The following GPC6 variants were observed in gnomAD, a reference collection of about 807,000 sequenced individuals.
GPC6 encodes glypican 6, also known as glypican-6.
In GPC6, 14 loss-of-function variants were observed where a neutral mutation model predicts 55.2. The observed-to-expected ratio is 0.25, with a 90% CI of 0.17 to 0.40. The LOEUF (loss-of-function observed/expected upper bound fraction) is 0.40, where lower values mean the gene tolerates loss of function less well. GPC6 is among the 10% of genes least tolerant of loss of function. The pLI is 1.00. For missense variants in GPC6, 641 were observed against 708.5 expected (o/e 0.90, Z 1.08); for synonymous variants, 278 against 259.6 (o/e 1.07, Z -0.68).
rs571409923 is a variant in GPC6, at chr13:94,089,816, G to C, written c.877+61922G>C. Among the ~76,000 whole-genome samples the C allele has an allele frequency of 2.9e-3, 443 of 152,118 alleles. 3 individuals carry two copies. Among genetic ancestry groups the C allele is most frequent in the Non-Finnish European group, 5.5e-3 (373 of 68,008 alleles). On this transcript the variant is annotated intron_variant, in intron 4 of 8. Coordinates refer to ENST00000377047, the MANE Select transcript of GPC6 (RefSeq NM_005708.5). The stretch of plus-strand genomic sequence containing the variant: ...ATGTCCCTGAATAACTGCAAGTATT[G>C]AGTTGGGGATTACAAATAAATTTTA...
At chr13:93,998,462 G>A (rs982873198) in intron 3 of GPC6, among the ~76,000 whole-genome samples, 3 of 152,094 alleles carry the variant, frequency 2.0e-5, no homozygotes, top group African/African-American at 7.2e-5. Context: ...AAAGCTTTAA[G>A]GTAAAGCTTA....
At chr13:94,186,548 T>C (rs1389408742) in intron 4 of GPC6, among the ~76,000 whole-genome samples, 1 of 152,188 alleles carries the variant, frequency 6.6e-6, no homozygotes, top group Non-Finnish European at 1.5e-5. Context: ...CCGCAACAGA[T>C]TCTTTGAAAC....
chr13:93,819,366 G>A (rs1055348474), intron 2 of GPC6, among the ~76,000 whole-genome samples: 3 of 152,078 alleles, frequency 2.0e-5, no homozygotes, highest in Non-Finnish European at 4.4e-5. Context: ...CTGGGTTTGT[G>A]AACAGGTTAA....
intron 4 of GPC6, among the ~76,000 whole-genome samples, chr13:94,082,778 C>T (rs377581119): frequency 2.0e-5 from 3 of 152,142 alleles, no homozygotes; most frequent in African/African-American, 7.2e-5. Context: ...CGTGAAACTT[C>T]CCCCAGATCC....
chr13:93,295,322 A>G (rs1878456706), intron 1 of GPC6, among the ~76,000 whole-genome samples: 1 of 150,746 alleles, frequency 6.6e-6, no homozygotes, highest in African/African-American at 2.4e-5. Context: ...AAGAGAAAAA[A>G]GAAAGAAAGA....
chr13:93,765,309 A>AGATAAGCTGTCTGGAAAGACAACTTC (rs1287047496), intron 2 of GPC6, among the ~76,000 whole-genome samples: 3 of 27,500 alleles, frequency 1.1e-4, no homozygotes, highest in South Asian at 7.7e-4. Context: ...AAGACAACTT[A>AGATAAGCTGTCTGGAAAGACAACTTC]TTTGGTTTAA....
intron 4 of GPC6, among the ~76,000 whole-genome samples, chr13:94,157,268 A>G (rs1310980113): frequency 6.6e-6 from 1 of 152,202 alleles, no homozygotes. Context: ...TAAAACTGTT[A>G]TTATAATCCC....
intron 1 of GPC6, among the ~76,000 whole-genome samples, chr13:93,490,157 A>C (rs1230834616): frequency 6.6e-6 from 1 of 151,420 alleles, no homozygotes; most frequent in Non-Finnish European, 1.5e-5. Flanking sequence ...TACCTAATTT[A>C]TTGAGAGTTT....
At chr13:93,685,649 G>A (rs1882021954) in intron 2 of GPC6, among the ~76,000 whole-genome samples, 1 of 151,926 alleles carries the variant, frequency 6.6e-6, no homozygotes, top group African/African-American at 2.4e-5. Context: ...TAATTGGTTG[G>A]ACTCTGGTGC....
intron 3 of GPC6, among the ~76,000 whole-genome samples, chr13:93,909,474 A>T (rs1002319390): frequency 5.3e-5 from 8 of 152,188 alleles, no homozygotes; most frequent in African/African-American, 1.9e-4. Flanking sequence ...ACTATCAAAA[A>T]AAAAGAAAAG....
At chr13:94,202,426 G>C (rs956263378) in intron 4 of GPC6, among the ~76,000 whole-genome samples, 1 of 152,132 alleles carries the variant, frequency 6.6e-6, no homozygotes, top group African/African-American at 2.4e-5. Context: ...AAAGGCAAAA[G>C]GCATGTCCTA....
chr13:93,585,032 A>G (rs567620928), intron 2 of GPC6, among the ~76,000 whole-genome samples: 3 of 152,168 alleles, frequency 2.0e-5, no homozygotes, highest in African/African-American at 7.2e-5. Context: ...TTAACAAGTC[A>G]TTTGATTAAA....
intron 7 of GPC6, among the ~76,000 whole-genome samples, chr13:94,396,315 G>C (rs575126698): frequency 1.4e-3 from 216 of 152,320 alleles, no homozygotes; most frequent in South Asian, 3.3e-3. Context: ...AACGCACCCA[G>C]ATGGGTGCAT....
intron 1 of GPC6, among the ~76,000 whole-genome samples, chr13:93,470,269 T>C (rs1203870433): frequency 2.7e-5 from 4 of 148,342 alleles, no homozygotes; most frequent in African/African-American, 9.8e-5. Flanking sequence ...GAATGTCATT[T>C]AATAGGTTAG....
At chr13:94,277,103 T>C (rs1892238232) in intron 4 of GPC6, among the ~76,000 whole-genome samples, 1 of 152,232 alleles carries the variant, frequency 6.6e-6, no homozygotes, top group African/African-American at 2.4e-5. Context: ...CATCTGTTGT[T>C]TCTTGACTTT....
At chr13:93,242,646 C>T (rs1876472906) in intron 1 of GPC6, among the ~76,000 whole-genome samples, 1 of 152,104 alleles carries the variant, frequency 6.6e-6, no homozygotes, top group African/African-American at 2.4e-5. Context: ...TGTAGTCTTC[C>T]CACTCAGCTG....
chr13:93,800,795 A>C (rs1413949427), intron 2 of GPC6, among the ~76,000 whole-genome samples: 4 of 152,248 alleles, frequency 2.6e-5, no homozygotes, highest in African/African-American at 9.6e-5. Flanking sequence ...CAGTGTGAAC[A>C]TCAACCTAGA....
intron 2 of GPC6, among the ~76,000 whole-genome samples, chr13:93,669,136 G>A (rs749259522): frequency 3.9e-5 from 6 of 152,124 alleles, no homozygotes; most frequent in Non-Finnish European, 8.8e-5. Context: ...TCATACAAGT[G>A]TATTTCTTGC....
At chr13:93,942,885 C>T (rs148189165) in intron 3 of GPC6, among the ~76,000 whole-genome samples, 31 of 152,240 alleles carry the variant, frequency 2.0e-4, no homozygotes, top group African/African-American at 7.5e-4. Flanking sequence ...TTCTGTTGCT[C>T]AGATTTTTCT....
Sources: allele counts gnomAD v4.1 joint callset (sites outside exome capture counted in the v4.1 genomes callset), GRCh38; gene constraint gnomAD v4.1.1; transcripts MANE v1.5; gene names NCBI Gene and HGNC (gene_info 2026-07-23, HGNC 2026-07-21).